Variants in DOCK10 observed in about 807,000 individuals in gnomAD.
DOCK10 encodes the protein dedicator of cytokinesis 10, also known as dedicator of cytokinesis protein 10.
A neutral mutation model predicts 280.1 loss-of-function variants in DOCK10; 145 were observed. That is an observed-to-expected ratio of 0.52 (90% CI 0.45 to 0.59). DOCK10 has a LOEUF of 0.59. Among genes scored for constraint, DOCK10 ranks in the 20% least tolerant of loss-of-function variants. DOCK10 has a pLI of 0.00. For missense variants in DOCK10, 2,368 were observed against 2,651.7 expected (o/e 0.89, Z 2.35); for synonymous variants, 915 against 942.2 (o/e 0.97, Z 0.53).
intron 2 of DOCK10, among the ~76,000 whole-genome samples, chr2:224,921,893 A>G (rs902271832): frequency 6.6e-6 from 1 of 152,058 alleles, no homozygotes; most frequent in African/African-American, 2.4e-5. Flanking sequence ...TGAGGTTGGG[A>G]GTGTGAGACC....
chr2:224,847,428 G>A (rs1269163992), intron 19 of DOCK10, among the ~76,000 whole-genome samples: 1 of 152,184 alleles, frequency 6.6e-6, no homozygotes, highest in Admixed American at 6.5e-5. Flanking sequence ...GCTGCAGGCA[G>A]CTCAATCTCA....
intron 11 of DOCK10, among the ~76,000 whole-genome samples, chr2:224,873,493 A>C (rs2125680320): frequency 6.7e-6 from 1 of 148,852 alleles, no homozygotes; most frequent in Non-Finnish European, 1.5e-5. Flanking sequence ...AGGTGGAAGG[A>C]TCGCTTGAGC....
rs146404083 is a variant in DOCK10, at chr2:224,829,359, C to T, written c.3036+1182G>A. ...AACTGGCATTTGGAGTAAGCTTGCA[C>T]GGGTGCTTGGTCTGTGGAGGTATCC... On this transcript the variant is annotated intron_variant, in intron 27 of 55. Transcript: ENST00000258390. 3.5e-4 allele frequency among the ~76,000 whole-genome samples: 53 copies of T among 152,304 alleles called. No individual in the cohort carries two copies. In the East Asian group the frequency reaches 8.5e-3, roughly 24 times the overall value.
chr2:224,900,609 A>G (rs1417362449), intron 3 of DOCK10, among the ~76,000 whole-genome samples: 2 of 152,234 alleles, frequency 1.3e-5, no homozygotes, highest in Non-Finnish European at 1.5e-5. Context: ...TTAGAATCAG[A>G]CAGACCTAGT....
Position 224,999,712 on chromosome 2 carries a change from G to GTTTTT in DOCK10, c.123+42535_123+42539dup, listed in dbSNP as rs35668501. 8.3e-4 allele frequency among the ~76,000 whole-genome samples: 119 copies of GTTTTT among 142,724 alleles called. 1 individual carries two copies. Among genetic ancestry groups the GTTTTT allele is most frequent in the African/African-American group, 2.1e-3 (80 of 38,334 alleles). 93.6% of individuals were successfully genotyped at this position (142,724 alleles called of 152,430 possible). ...AAATATCCATAAACACTATAATGGT[G>GTTTTT]TTTTTTTTTTTTTTGGTAGATTCTT... is the stretch of plus-strand genomic sequence containing the variant. On this transcript the variant is annotated intron_variant, in intron 1 of 55. Transcript: ENST00000258390.
At chr2:224,915,493 T>C (rs2125930980) in intron 3 of DOCK10, among the ~76,000 whole-genome samples, 1 of 152,298 alleles carries the variant, frequency 6.6e-6, no homozygotes, top group South Asian at 2.1e-4. Flanking sequence ...AAAAGACCGA[T>C]AAAACAATGA....
intron 29 of DOCK10, 68 bp from the exon 30 acceptor site, chr2:224,816,781 AAATCTGCACTTG>A: frequency 1.2e-6 from 1 of 857,060 alleles, no homozygotes; most frequent in Non-Finnish European, 1.9e-6. Context: ...CAAACAAACA[AAATCTGCACTTG>A]AATCTTATCC....
At chr2:224,800,648 G>C (rs901783785) in intron 40 of DOCK10, among the ~76,000 whole-genome samples, 3 of 152,168 alleles carry the variant, frequency 2.0e-5, no homozygotes, top group Admixed American at 6.6e-5. Flanking sequence ...TGTCTTTATC[G>C]GTTAAGGCAT....
At chr2:224,983,892 T>G in intron 1 of DOCK10, 1 of 470,820 alleles carries the variant, frequency 2.1e-6, no homozygotes, top group East Asian at 6.9e-5. Flanking sequence ...ACTGCCCGGG[T>G]GCTAATCTAA....
At chr2:224,835,424 A>G (rs1695530212) in intron 25 of DOCK10, among the ~76,000 whole-genome samples, 1 of 152,258 alleles carries the variant, frequency 6.6e-6, no homozygotes, top group Non-Finnish European at 1.5e-5. Flanking sequence ...CATCTTTGAA[A>G]AAGACACGGT....
chr2:224,816,702 C>G lies in DOCK10; in HGVS notation c.3279G>C (p.Gln1093His), dbSNP rs778642902. ...CTTCTTGAAGAAAATCAAATTTATA[C>G]TGGCACAAGGTCTGAAAGAGAGGCA... Reference protein sequence around the residue: ...FSSGDLKTLCQYKFDFLQEVC... With the variant: ...FSSGDLKTLCHYKFDFLQEVC... Residue 1093 changes from glutamine (Q) to histidine (H), a missense_variant, in exon 30 of 56, where the codon CAG becomes CAC. Physicochemically the swap from Gln to His is conservative, Grantham distance 24. This residue lies in a region of DOCK10 where 1,159 missense variants were observed against 1,400.8 expected (regional missense o/e 0.83). Coordinates refer to ENST00000258390, the MANE Select transcript of DOCK10 (RefSeq NM_014689.3). 4 of 1,595,174 alleles carry G rather than the reference C, an allele frequency of 2.5e-6. No homozygotes were observed. Among genetic ancestry groups the G allele is most frequent in the Non-Finnish European group, 3.4e-6 (4 of 1,166,924 alleles).
chr2:225,014,513 T>C (rs959213906), intron 1 of DOCK10, among the ~76,000 whole-genome samples: 24 of 152,140 alleles, frequency 1.6e-4, no homozygotes, highest in African/African-American at 5.5e-4. Flanking sequence ...TGATTAATTA[T>C]TGATATAATT....
chr2:224,854,800 T>C (rs914306348), intron 16 of DOCK10, among the ~76,000 whole-genome samples, 163 bp downstream of exon 16: 2 of 150,834 alleles, frequency 1.3e-5, no homozygotes, highest in East Asian at 3.9e-4. Flanking sequence ...ATGAATTCCA[T>C]ATATTTCAAC....
intron 11 of DOCK10, among the ~76,000 whole-genome samples, chr2:224,866,497 T>G (rs1430683125): frequency 1.3e-5 from 2 of 152,206 alleles, no homozygotes; most frequent in Admixed American, 6.5e-5. Flanking sequence ...TTGATTTGTA[T>G]TTGTGGAAAT....
chr2:224,940,031 A>G (rs2126066710), intron 1 of DOCK10, among the ~76,000 whole-genome samples: 1 of 152,254 alleles, frequency 6.6e-6, no homozygotes, highest in African/African-American at 2.4e-5. Context: ...GCCTTGGTGG[A>G]TTTGACTAAT....
intron 1 of DOCK10, among the ~76,000 whole-genome samples, chr2:224,957,767 C>T (rs1469122930): frequency 2.0e-5 from 3 of 152,182 alleles, no homozygotes; most frequent in African/African-American, 7.2e-5. Flanking sequence ...CACCACTATT[C>T]AAATTAGTGC....
At chr2:224,931,842 G>T (rs1409437481) in intron 1 of DOCK10, among the ~76,000 whole-genome samples, 174 bp from the exon 2 acceptor site, 1 of 152,150 alleles carries the variant, frequency 6.6e-6, no homozygotes, top group South Asian at 2.1e-4. Context: ...ATTATTTCCA[G>T]ATTTGAAATA....
chr2:225,015,004 G>C (rs1689552145), intron 1 of DOCK10, among the ~76,000 whole-genome samples: 1 of 152,150 alleles, frequency 6.6e-6, no homozygotes, highest in South Asian at 2.1e-4. Context: ...TAATGTAATT[G>C]GTGACTGACC....
intron 1 of DOCK10, among the ~76,000 whole-genome samples, chr2:225,014,081 A>ATATATATATATATATATATT (rs776104946): frequency 2.2e-4 from 21 of 96,822 alleles, no homozygotes; most frequent in African/African-American, 8.4e-4. Flanking sequence ...GTCTGAATAT[A>ATATATATATATATATATATT]TTGTTTTTTT....
Sources: allele counts gnomAD v4.1 joint callset (sites outside exome capture counted in the v4.1 genomes callset), GRCh38; gene constraint gnomAD v4.1.1; regional missense constraint gnomAD v4.1.1; transcripts MANE v1.5; gene names NCBI Gene and HGNC (gene_info 2026-07-23, HGNC 2026-07-21).